RYR3: variants seen among roughly 807,000 people sequenced by gnomAD.
RYR3 encodes ryanodine receptor 3.
In RYR3, 207 loss-of-function variants were observed where a neutral mutation model predicts 584.3. The observed-to-expected ratio is 0.35, with a 90% confidence interval of 0.32 to 0.40. The LOEUF (loss-of-function observed/expected upper bound fraction) is 0.40. RYR3 is among the 10% of genes least tolerant of loss of function. RYR3 has a pLI of 1.00. For synonymous variants in RYR3, 2,416 were observed against 2,248.5 expected (o/e 1.07, Z -2.11); for missense variants, 5,616 against 6,089.2 (o/e 0.92, Z 2.59).
At chr15:33,341,070 A>T (rs936312308) in intron 1 of RYR3, among the ~76,000 whole-genome samples, 1 of 151,852 alleles carries the variant, frequency 6.6e-6, no homozygotes, top group African/African-American at 2.4e-5. Flanking sequence ...ACAGAGTCTC[A>T]CTCTGTCACT....
intron 10 of RYR3, among the ~76,000 whole-genome samples, chr15:33,552,425 AGTC>A (rs1458849176): frequency 6.6e-6 from 1 of 152,192 alleles, no homozygotes; most frequent in Non-Finnish European, 1.5e-5. Context: ...ATGGGTGGAA[AGTC>A]GTCATGGTAC....
intron 67 of RYR3, among the ~76,000 whole-genome samples, chr15:33,790,564 G>A (rs1594252): frequency 0.61 from 93,393 of 151,950 alleles, 29,836 homozygotes; most frequent in East Asian, 0.96. Flanking sequence ...GAGTGAGGTT[G>A]TTGAGGGGAA....
At chr15:33,515,835 T>C (rs576656797) in intron 3 of RYR3, among the ~76,000 whole-genome samples, 10 of 152,356 alleles carry the variant, frequency 6.6e-5, no homozygotes, top group African/African-American at 2.2e-4. Flanking sequence ...TGTGCACTTA[T>C]TTTCTAAATA....
intron 94 of RYR3, chr15:33,849,808 T>C (rs2078972306): frequency 6.6e-6 from 1 of 152,138 alleles, no homozygotes; most frequent in Non-Finnish European, 1.5e-5. Flanking sequence ...ACTAAGGATA[T>C]TTATTTCTTT....
intron 19 of RYR3, among the ~76,000 whole-genome samples, chr15:33,616,962 A>G (rs1473860700): frequency 6.6e-6 from 1 of 152,360 alleles, no homozygotes; most frequent in East Asian, 1.9e-4. Context: ...CCGATTGGGT[A>G]TTCTACAACC....
intron 3 of RYR3, among the ~76,000 whole-genome samples, chr15:33,511,544 A>G (rs2053003837): frequency 1.3e-5 from 2 of 151,648 alleles, no homozygotes; most frequent in African/African-American, 2.4e-5. Context: ...TGTATTTGTC[A>G]TGAACTGGGC....
chr15:33,433,267 T>C (rs1033895626), intron 1 of RYR3, among the ~76,000 whole-genome samples: 4 of 152,192 alleles, frequency 2.6e-5, no homozygotes, highest in African/African-American at 7.2e-5. Flanking sequence ...GTCATTGTTA[T>C]AGAAGAGTAT....
intron 72 of RYR3, 93 bp from the exon 73 acceptor site, chr15:33,812,770 T>G (rs2076619155): frequency 7.9e-7 from 1 of 1,259,684 alleles, no homozygotes; most frequent in African/African-American, 1.5e-5. Flanking sequence ...AGGAGAGTCT[T>G]GACTCCTACA....
Position 33,756,466 on chromosome 15 carries a change from A to G in RYR3, c.8583+93A>G, listed in dbSNP as rs2071840074. ...AGTGGATCCAGTGAAGATATCTAAA[A>G]CTCCAATGGCTTCAGTGAGGTACAT... On this transcript the variant is annotated intron_variant, in intron 59 of 103. Transcript: ENST00000634891. The G allele has an allele frequency of 8.9e-6, 8 of 895,050 alleles. No individual in the cohort carries two copies. The South Asian group carries it at 1.2e-4, about 13-fold the overall frequency. 55.4% of individuals were successfully genotyped at this position (895,050 alleles called of 1,614,324 possible). A position where few individuals can be genotyped will look rare whatever the true frequency, so the allele number is the denominator to read the frequency against.
intron 69 of RYR3, among the ~76,000 whole-genome samples, chr15:33,805,207 T>C (rs1055605852): frequency 2.6e-5 from 4 of 152,186 alleles, no homozygotes; most frequent in African/African-American, 9.6e-5. Flanking sequence ...TTAGAATGTG[T>C]TCAGCCCAAG....
At chr15:33,841,805 C>T (rs2078384083) in intron 90 of RYR3, 59 bp from the exon 91 acceptor site, 3 of 1,520,494 alleles carry the variant, frequency 2.0e-6, no homozygotes, top group African/African-American at 1.4e-5. Context: ...TCTAGTCTCC[C>T]TTTTTGGGCC....
chr15:33,453,381 T>C (rs2047290867), intron 1 of RYR3, among the ~76,000 whole-genome samples: 1 of 152,208 alleles, frequency 6.6e-6, no homozygotes, highest in East Asian at 1.9e-4. Flanking sequence ...GACTTTTGTG[T>C]ATTCTAGAAC....
intron 38 of RYR3, among the ~76,000 whole-genome samples, chr15:33,672,976 G>T (rs1292704655): frequency 3.3e-5 from 5 of 152,146 alleles, no homozygotes; most frequent in Non-Finnish European, 7.3e-5. Context: ...CCAACCTAAG[G>T]TACGTAAAGT....
chr15:33,697,428 A>T (rs1348787908), intron 39 of RYR3, among the ~76,000 whole-genome samples: 1 of 152,120 alleles, frequency 6.6e-6, no homozygotes, highest in East Asian at 1.9e-4. Context: ...GAAAGTAACC[A>T]CCCAGCAAGG....
chr15:33,805,726 CTCG>C (rs2076168896), intron 69 of RYR3, among the ~76,000 whole-genome samples: 2 of 26,654 alleles, frequency 7.5e-5, no homozygotes, highest in South Asian at 2.2e-3. Flanking sequence ...ATCCGCCCGC[CTCG>C]GCCTCCCAAA....
intron 11 of RYR3, among the ~76,000 whole-genome samples, chr15:33,563,725 TAGC>T (rs1432802801): frequency 1.3e-5 from 2 of 152,192 alleles, no homozygotes; most frequent in African/African-American, 4.8e-5. Context: ...AGTTGAGGTA[TAGC>T]AGCCTAAGGT....
intron 57 of RYR3, among the ~76,000 whole-genome samples, chr15:33,752,051 G>A (rs889037013): frequency 1.6e-4 from 25 of 152,222 alleles, no homozygotes; most frequent in African/African-American, 3.9e-4. Context: ...GATATGCGGC[G>A]TTATTTCTGA....
At chr15:33,561,941 A>G (rs2057428929) in intron 10 of RYR3, among the ~76,000 whole-genome samples, 1 of 152,060 alleles carries the variant, frequency 6.6e-6, no homozygotes. Flanking sequence ...TTTTGCAAAT[A>G]GGCAACAGCC....
chr15:33,679,464 A>G (rs551296186), intron 38 of RYR3, among the ~76,000 whole-genome samples: 56 of 152,350 alleles, frequency 3.7e-4, no homozygotes, highest in African/African-American at 1.3e-3. Context: ...ATGTGGTGGT[A>G]AAATTCTTGA....
Sources: gnomAD v4.1 joint callset for allele counts (sites outside exome capture counted in the v4.1 genomes callset) on GRCh38, gnomAD v4.1.1 for gene constraint, MANE v1.5 for transcripts, NCBI Gene and HGNC (gene_info 2026-07-23, HGNC 2026-07-21) for gene names.